Variants in CSMD1 observed in about 807,000 individuals in gnomAD.
CSMD1 encodes the protein CUB and sushi domain-containing protein 1.
Under a neutral mutation model 417.5 loss-of-function variants are expected in CSMD1, and 213 were observed. That is an observed-to-expected ratio of 0.51 (90% CI 0.46 to 0.57). The LOEUF (loss-of-function observed/expected upper bound fraction) is 0.57, where lower values mean the gene tolerates loss of function less well. CSMD1 is among the 20% of genes least tolerant of loss of function. CSMD1 has a pLI of 0.00. For missense variants in CSMD1, 6,923 were observed against 4,529.7 expected, an observed-to-expected ratio of 1.53 and a Z score of -15.17; for synonymous variants, 2,862 against 1,736.8, an observed-to-expected ratio of 1.65 and a Z score of -16.11.
intron 7 of CSMD1, among the ~76,000 whole-genome samples, chr8:3,687,413 C>G (rs1372675773): frequency 6.6e-6 from 1 of 152,220 alleles, no homozygotes; most frequent in African/African-American, 2.4e-5. Flanking sequence ...TAATTTTAGG[C>G]TGGAAAACTT....
chr8:3,720,665 T>A (rs959647116), intron 6 of CSMD1, among the ~76,000 whole-genome samples: 1 of 108,892 alleles, frequency 9.2e-6, no homozygotes, highest in African/African-American at 4.0e-5. Context: ...ACCAGCACAT[T>A]TCTCCTTCAT....
intron 3 of CSMD1, among the ~76,000 whole-genome samples, chr8:4,061,684 T>C (rs552595115): frequency 1.1e-4 from 16 of 152,184 alleles, no homozygotes; most frequent in Non-Finnish European, 1.6e-4. Context: ...GTGAAATATC[T>C]TTTATGATTT....
intron 3 of CSMD1, among the ~76,000 whole-genome samples, chr8:4,147,638 G>C (rs1160855487): frequency 1.3e-5 from 2 of 152,146 alleles, no homozygotes; most frequent in Non-Finnish European, 2.9e-5. Context: ...TGTAGTGCAT[G>C]AAGGTTACTC....
At chr8:4,812,467 G>T (rs1328727459) in intron 1 of CSMD1, among the ~76,000 whole-genome samples, 1 of 152,056 alleles carries the variant, frequency 6.6e-6, no homozygotes, top group East Asian at 1.9e-4. Context: ...CCGACACATA[G>T]AAATAATACT....
At chr8:4,152,695 AG>A (rs902959753) in intron 3 of CSMD1, among the ~76,000 whole-genome samples, 6 of 151,788 alleles carry the variant, frequency 4.0e-5, no homozygotes, top group African/African-American at 1.5e-4. Context: ...GTCTCAAAAA[AG>A]AAAAAAAAAA....
intron 6 of CSMD1, among the ~76,000 whole-genome samples, chr8:3,708,923 T>C (rs1389084983): frequency 6.6e-6 from 1 of 152,132 alleles, no homozygotes; most frequent in African/African-American, 2.4e-5. Context: ...CATTCATGTA[T>C]TCATATATTC....
chr8:4,049,086 T>C (rs1017836627), intron 3 of CSMD1, among the ~76,000 whole-genome samples: 2 of 152,178 alleles, frequency 1.3e-5, no homozygotes, highest in Admixed American at 6.5e-5. Context: ...ATTGCCTCCA[T>C]TTTTTTCTAT....
At chr8:3,400,121 C>A (rs1055469357) in intron 15 of CSMD1, among the ~76,000 whole-genome samples, 2 of 152,074 alleles carry the variant, frequency 1.3e-5, no homozygotes, top group African/African-American at 4.8e-5. Flanking sequence ...TTTGTAATTG[C>A]AAAGGAGAAA....
intron 1 of CSMD1, among the ~76,000 whole-genome samples, chr8:4,747,359 C>G (rs1811026833): frequency 1.3e-5 from 2 of 151,992 alleles, no homozygotes; most frequent in African/African-American, 4.8e-5. Context: ...AGTTAATATT[C>G]TAGGATACGG....
chr8:3,489,316 C>T (rs1019085366), intron 11 of CSMD1, among the ~76,000 whole-genome samples: 1 of 152,206 alleles, frequency 6.6e-6, no homozygotes, highest in Non-Finnish European at 1.5e-5. Flanking sequence ...ACCCTACTTG[C>T]TCACAGATGT....
intron 5 of CSMD1, among the ~76,000 whole-genome samples, chr8:3,790,227 C>T (rs1006344044): frequency 6.6e-6 from 1 of 152,168 alleles, no homozygotes; most frequent in African/African-American, 2.4e-5. Flanking sequence ...CACAAAACTC[C>T]TTTATCAGGG....
intron 6 of CSMD1, among the ~76,000 whole-genome samples, chr8:3,748,278 T>C (rs1242555361): frequency 6.6e-6 from 1 of 152,228 alleles, no homozygotes; most frequent in East Asian, 1.9e-4. Flanking sequence ...TTTAGTGGTT[T>C]TAAGAATTAT....
chr8:4,898,068 A>T (rs1804621573), intron 1 of CSMD1, among the ~76,000 whole-genome samples: 2 of 152,282 alleles, frequency 1.3e-5, no homozygotes, highest in Admixed American at 1.3e-4. Context: ...ATTAGTTGGA[A>T]ATATTTAGAA....
chr8:4,846,072 G>A (rs563102537), intron 1 of CSMD1, among the ~76,000 whole-genome samples: 5 of 152,148 alleles, frequency 3.3e-5, no homozygotes, highest in South Asian at 4.1e-4. Context: ...GTTGTGCTAC[G>A]TCCCAAATCA....
chr8:4,213,748 A>C (rs7829915), intron 3 of CSMD1, among the ~76,000 whole-genome samples: 2 of 152,092 alleles, frequency 1.3e-5, no homozygotes, highest in South Asian at 2.1e-4. Context: ...GGGGTAGAAC[A>C]TGGCTGAGAT....
At chr8:3,251,301 C>G (rs937880125) in intron 26 of CSMD1, among the ~76,000 whole-genome samples, 95 of 152,260 alleles carry the variant, frequency 6.2e-4, no homozygotes, top group African/African-American at 2.2e-3. Flanking sequence ...GTTTTCCCAG[C>G]ACCATTTATT....
intron 1 of CSMD1, among the ~76,000 whole-genome samples, chr8:4,762,920 G>T (rs1197360899): frequency 6.6e-6 from 1 of 152,172 alleles, no homozygotes; most frequent in East Asian, 1.9e-4. Flanking sequence ...TGTAGGTAGG[G>T]TTATAATTTT....
chr8:4,887,210 A>G (rs1803809121), intron 1 of CSMD1, among the ~76,000 whole-genome samples: 1 of 152,112 alleles, frequency 6.6e-6, no homozygotes, highest in South Asian at 2.1e-4. Context: ...TTTATAATTT[A>G]CATTGTGATT....
chr8:3,071,040 T>C (rs1813291390), intron 49 of CSMD1, among the ~76,000 whole-genome samples: 1 of 152,194 alleles, frequency 6.6e-6, no homozygotes, highest in Non-Finnish European at 1.5e-5. Flanking sequence ...CATGTCACAC[T>C]GTCACAGGGC....
Sources: allele counts gnomAD v4.1 joint callset (sites outside exome capture counted in the v4.1 genomes callset), GRCh38; gene constraint gnomAD v4.1.1; transcripts MANE v1.5; gene names NCBI Gene and HGNC (gene_info 2026-07-23, HGNC 2026-07-21).